The following PKIA variants were observed in gnomAD, a reference collection of about 807,000 sequenced individuals.
PKIA encodes the protein cAMP-dependent protein kinase inhibitor alpha.
PKIA carries 4 observed loss-of-function variants against 7.6 expected under a neutral mutation model. The ratio of observed to expected loss-of-function variants is 0.52; its 90% CI spans 0.26 to 1.20. The LOEUF (loss-of-function observed/expected upper bound fraction) is 1.20. PKIA is among the 50% of genes most tolerant of loss of function. PKIA has a pLI of 0.13. For synonymous variants in PKIA, 21 were observed against 30.7 expected, an observed-to-expected ratio of 0.68 and a Z score of 1.04; for missense variants, 73 against 86.2, an observed-to-expected ratio of 0.85 and a Z score of 0.61.
intron 1 of PKIA, chr8:78,558,637 G>T (rs141790693): frequency 6.7e-6 from 1 of 149,600 alleles, no homozygotes; most frequent in East Asian, 2.0e-4. Flanking sequence ...CTCCACCTGG[G>T]TCCCTCCTGT....
intron 1 of PKIA, among the ~76,000 whole-genome samples, chr8:78,545,899 T>C (rs2118437009): frequency 6.6e-6 from 1 of 152,326 alleles, no homozygotes; most frequent in South Asian, 2.1e-4. Flanking sequence ...TAAGCTGAAT[T>C]GTCATCTTAA....
Position 78,551,195 on chromosome 8 carries a change from T to G in PKIA, c.-156-21616T>G, listed in dbSNP as rs563454135. Reference sequence around the variant, plus strand: ...TATTACAAAAGAAGAGTCTTTAGTTTGGTAATATGAATGCTATAAAGGAAT... The same window carrying G: ...TATTACAAAAGAAGAGTCTTTAGTTGGGTAATATGAATGCTATAAAGGAAT... On this transcript the variant is annotated intron_variant, in intron 1 of 3. Transcript: ENST00000396418. Among the ~76,000 whole-genome samples the G allele has an allele frequency of 7.9e-5, 12 of 152,166 alleles. No individual in the cohort carries two copies. The East Asian group carries it at 2.1e-3, about 27-fold the overall frequency.
chr8:78,557,741 G>A (rs1386176998), intron 1 of PKIA, among the ~76,000 whole-genome samples: 2 of 152,188 alleles, frequency 1.3e-5, no homozygotes, highest in African/African-American at 2.4e-5. Context: ...ATTTATGCCT[G>A]TGATGGGGAC....
intron 2 of PKIA, among the ~76,000 whole-genome samples, chr8:78,597,751 T>C (rs2130280012): frequency 6.6e-6 from 1 of 152,326 alleles, no homozygotes; most frequent in East Asian, 1.9e-4. Context: ...ACATTTGTTT[T>C]ACGTATTGGC....
At chr8:78,562,633 T>C (rs1367629380) in intron 1 of PKIA, among the ~76,000 whole-genome samples, 1 of 152,126 alleles carries the variant, frequency 6.6e-6, no homozygotes, top group Non-Finnish European at 1.5e-5. Flanking sequence ...TCAGTTTCCC[T>C]CTAATCATTT....
At chr8:78,553,698 A>G (rs1002779818) in intron 1 of PKIA, among the ~76,000 whole-genome samples, 2 of 149,768 alleles carry the variant, frequency 1.3e-5, no homozygotes, top group East Asian at 2.0e-4. Context: ...AATATGCCGC[A>G]GCTTTTTGTA....
chr8:78,531,330 T>C (rs757750343), intron 1 of PKIA, among the ~76,000 whole-genome samples: 15 of 152,126 alleles, frequency 9.9e-5, no homozygotes, highest in Non-Finnish European at 1.9e-4. Flanking sequence ...AAATTAGTGA[T>C]TATGGTTTTC....
At chr8:78,537,180 T>G (rs1269006426) in intron 1 of PKIA, among the ~76,000 whole-genome samples, 1 of 151,722 alleles carries the variant, frequency 6.6e-6, no homozygotes, top group Non-Finnish European at 1.5e-5. Context: ...TAGTTTAGTT[T>G]TTTTTTTTTT....
intron 2 of PKIA, among the ~76,000 whole-genome samples, chr8:78,573,869 A>C (rs1322716182): frequency 6.6e-6 from 1 of 152,004 alleles, no homozygotes; most frequent in Admixed American, 6.6e-5. Flanking sequence ...TCTAAGGACA[A>C]TTATAAGACC....
intron 2 of PKIA, among the ~76,000 whole-genome samples, chr8:78,574,435 G>A (rs1461802757): frequency 6.6e-6 from 1 of 151,892 alleles, no homozygotes; most frequent in Non-Finnish European, 1.5e-5. Context: ...CTTTTCCATG[G>A]GTAGTACAGC....
At chr8:78,541,825 T>TA (rs889773758) in intron 1 of PKIA, among the ~76,000 whole-genome samples, 1 of 148,592 alleles carries the variant, frequency 6.7e-6, no homozygotes, top group African/African-American at 2.4e-5. Context: ...TTTTTTTTTT[T>TA]AGATTCCCTC....
intron 2 of PKIA, among the ~76,000 whole-genome samples, chr8:78,582,248 A>C (rs1807830145): frequency 6.6e-6 from 1 of 151,482 alleles, no homozygotes; most frequent in African/African-American, 2.4e-5. Context: ...CGCTGCTATA[A>C]GGACATACCC....
In PKIA at chr8:78,545,308, G is replaced by A. The variant is rs1240437616; in HGVS notation, c.-156-27503G>A. Among the ~76,000 whole-genome samples the A allele has an allele frequency of 5.3e-5, 8 of 152,188 alleles. No individual in the cohort carries two copies. The East Asian group carries it at 1.5e-3, about 29-fold the overall frequency. On this transcript the variant is annotated intron_variant, in intron 1 of 3. Transcript: ENST00000396418. ...AATCATGTTACTTTGGGTAAGAGCT[G>A]AAGAATATCAGTTGTGGGCTGAGAT...
intron 2 of PKIA, among the ~76,000 whole-genome samples, chr8:78,574,658 T>C (rs575365445): frequency 6.6e-6 from 1 of 152,144 alleles, no homozygotes; most frequent in East Asian, 1.9e-4. Flanking sequence ...GGACATTTAC[T>C]CATATTTGAT....
intron 2 of PKIA, among the ~76,000 whole-genome samples, chr8:78,581,058 C>T (rs1486061666): frequency 6.6e-6 from 1 of 151,930 alleles, no homozygotes; most frequent in African/African-American, 2.4e-5. Flanking sequence ...AACCTAGTGT[C>T]CAGATCTTGG....
chr8:78,524,523 C>A (rs1251848192), intron 1 of PKIA, among the ~76,000 whole-genome samples: 1 of 151,362 alleles, frequency 6.6e-6, no homozygotes, highest in Non-Finnish European at 1.5e-5. Flanking sequence ...TTGTTACATG[C>A]CCATATTTAT....
intron 2 of PKIA, among the ~76,000 whole-genome samples, chr8:78,575,941 A>G (rs1343450755): frequency 6.6e-6 from 1 of 152,002 alleles, no homozygotes; most frequent in Non-Finnish European, 1.5e-5. Flanking sequence ...TGGCAGGTTT[A>G]GTTTCTCCTG....
intron 1 of PKIA, among the ~76,000 whole-genome samples, chr8:78,565,230 G>T (rs900294265): frequency 6.6e-6 from 1 of 151,586 alleles, no homozygotes; most frequent in African/African-American, 2.4e-5. Flanking sequence ...ATTTTTCCTG[G>T]AATAGAGATT....
At chr8:78,596,749 A>G (rs1477591412) in intron 2 of PKIA, among the ~76,000 whole-genome samples, 1 of 152,174 alleles carries the variant, frequency 6.6e-6, no homozygotes, top group African/African-American at 2.4e-5. Flanking sequence ...GCAAGGGCCT[A>G]TGTCCAGAAA....
Sources: allele counts gnomAD v4.1 joint callset (sites outside exome capture counted in the v4.1 genomes callset), GRCh38; gene constraint gnomAD v4.1.1; transcripts MANE v1.5; gene names NCBI Gene and HGNC (gene_info 2026-07-23, HGNC 2026-07-21).